FMNL1: variants seen among roughly 807,000 people sequenced by gnomAD.
FMNL1 encodes formin-like protein 1.
In FMNL1, 43 loss-of-function variants were observed where a neutral mutation model predicts 121.3. The observed-to-expected ratio is 0.35, with a 90% CI of 0.28 to 0.46. The LOEUF (loss-of-function observed/expected upper bound fraction) is 0.46, where lower values mean the gene tolerates loss of function less well. FMNL1 is among the 20% of genes least tolerant of loss of function. FMNL1 has a pLI of 1.00. For missense variants in FMNL1, 1,191 were observed against 1,482.4 expected (o/e 0.80, Z 3.23); for synonymous variants, 613 against 613.5 (o/e 1.00, Z 0.01).
intron 19 of FMNL1, among the ~76,000 whole-genome samples, chr17:45,244,563 T>A (rs573677235): frequency 1.4e-4 from 21 of 152,262 alleles, no homozygotes; most frequent in African/African-American, 4.8e-4. Flanking sequence ...TAGGAGGGGA[T>A]GCTGGCAACA....
Position 45,234,054 on chromosome 17 carries a change from A to G in FMNL1, c.486-18A>G, listed in dbSNP as rs927565227. 1.2e-6 allele frequency: 2 copies of G among 1,612,978 alleles called. No individual in the cohort carries two copies. Among genetic ancestry groups the G allele is most frequent in the African/African-American group, 2.7e-5 (2 of 74,838 alleles). On this transcript the variant is annotated intron_variant, in intron 5 of 26. Transcript: ENST00000331495. ...CCCTGCAGTGTTGGCCTCCAGCCCC[A>G]TTGCATCCTGTCCCCAGGTATGACA...
Position 45,237,462 on chromosome 17 carries a change from A to T in FMNL1, c.801-84A>T. On this transcript the variant is annotated intron_variant, in intron 8 of 26. Transcript: ENST00000331495. The surrounding 1 kb of genome is among the most constrained non-coding windows in gnomAD (Gnocchi z 4.4). ...CTCAGAGGCTCATTCTGCACCCACT[A>T]TGCTCCTCCTAGCCAGGCCTGTGCC... The T allele has an allele frequency of 6.2e-7, 1 of 1,606,584 alleles. No homozygotes were observed. The highest frequency in any genetic ancestry group is 8.5e-7 in the Non-Finnish European group (1 of 1,173,552).
intron 1 of FMNL1, among the ~76,000 whole-genome samples, chr17:45,223,675 GAC>G (rs1309548772): frequency 7.2e-5 from 11 of 152,176 alleles, no homozygotes; most frequent in African/African-American, 1.9e-4. Context: ...AGAATGAGGA[GAC>G]ACAGTCTCTG....
intron 1 of FMNL1, among the ~76,000 whole-genome samples, chr17:45,227,010 G>A (rs887955856): frequency 2.2e-4 from 34 of 152,126 alleles, no homozygotes; most frequent in African/African-American, 5.6e-4. Context: ...GATATGTGCC[G>A]AGAACACTAC....
Position 45,233,220 on chromosome 17 carries a change from C to A in FMNL1, c.328-4C>A. On this transcript the variant is annotated splice_region_variant and splice_polypyrimidine_tract_variant and intron_variant, in intron 3 of 26. Transcript: ENST00000331495. The surrounding 1 kb of genome is among the most constrained non-coding windows in gnomAD (Gnocchi z 4.1). Reference sequence around the variant, plus strand: ...CACCAGCCTTCCCTGTTCTCGGTCCCCAGTTTAAGAGGCGAGTTCAGGAGT... The same window carrying A: ...CACCAGCCTTCCCTGTTCTCGGTCCACAGTTTAAGAGGCGAGTTCAGGAGT... The A allele has an allele frequency of 3.9e-6, 6 of 1,554,988 alleles. No individual in the cohort carries two copies. Among genetic ancestry groups the A allele is most frequent in the Non-Finnish European group, 5.2e-6 (6 of 1,149,034 alleles).
In FMNL1 at chr17:45,233,911, C is replaced by A; in HGVS notation, c.486-161C>A. On this transcript the variant is annotated intron_variant, in intron 5 of 26. Transcript: ENST00000331495. The surrounding 1 kb of genome is among the most constrained non-coding windows in gnomAD (Gnocchi z 4.1). ...GCCTGCCCCCGACAGGGAGGGGTGGCCTCTCTTCCACCACTATGTTCAGCA... is the reference window on the plus strand; with the variant it reads ...GCCTGCCCCCGACAGGGAGGGGTGGACTCTCTTCCACCACTATGTTCAGCA... 1 of 1,310,260 alleles carries A rather than the reference C, an allele frequency of 7.6e-7. No individual in the cohort carries two copies. Among genetic ancestry groups the A allele is most frequent in the South Asian group, 1.5e-5 (1 of 68,398 alleles). 81.2% of individuals were successfully genotyped at this position (1,310,260 alleles called of 1,614,324 possible).
At chr17:45,230,305 C>T (rs934396470) in intron 1 of FMNL1, among the ~76,000 whole-genome samples, 1 of 152,172 alleles carries the variant, frequency 6.6e-6, no homozygotes, top group African/African-American at 2.4e-5. Context: ...GGCTGACAAC[C>T]CACGCTCCTG....
chr17:45,232,679 C>A (rs142275370), intron 3 of FMNL1, among the ~76,000 whole-genome samples, 199 bp downstream of exon 3: 1 of 151,926 alleles, frequency 6.6e-6, no homozygotes, highest in Admixed American at 6.6e-5. Context: ...CTCTGTACAT[C>A]CTGTGTGTGC....
chr17:45,234,406 T>C, intron 6 of FMNL1: 1 of 770,790 alleles, frequency 1.3e-6, no homozygotes. Flanking sequence ...GGCTCATGCC[T>C]GTAATCCCAG....
At position 45,236,255 on chromosome 17, in the gene FMNL1, G is replaced by A; in HGVS notation, c.723+11G>A. On this transcript the variant is annotated intron_variant, in intron 7 of 26. Transcript: ENST00000331495. ...ATCATGAACTACCAGGTCAGCCGAG[G>A]GGCATGGGACTGGCGACTAGGGAGC... The A allele has an allele frequency of 1.2e-6, 2 of 1,611,928 alleles. No homozygotes were observed. The highest frequency in any genetic ancestry group is 1.7e-6 in the Non-Finnish European group (2 of 1,178,632).
intron 10 of FMNL1, 150 bp downstream of exon 10, chr17:45,238,788 G>T: frequency 8.7e-7 from 1 of 1,145,592 alleles, no homozygotes; most frequent in Non-Finnish European, 1.3e-6. Context: ...TGTTGGCAGG[G>T]GGCTGGATTG....
chr17:45,239,848 T>C lies in FMNL1; in HGVS notation c.1081-628T>C, dbSNP rs184611350. On this transcript the variant is annotated intron_variant, in intron 11 of 26. Coordinates refer to ENST00000331495, the MANE Select transcript of FMNL1 (RefSeq NM_005892.4). Reference sequence around the variant, plus strand: ...TCTTGCTCTGTTGCCCAGGCTAGAGTGCAGTGACACGATCTTGGCTCACTG... The same window carrying C: ...TCTTGCTCTGTTGCCCAGGCTAGAGCGCAGTGACACGATCTTGGCTCACTG... Among the ~76,000 whole-genome samples the C allele has an allele frequency of 3.6e-3, 526 of 147,316 alleles. 4 individuals are homozygous for C. Among genetic ancestry groups the C allele is most frequent in the African/African-American group, 0.013 (502 of 38,788 alleles).
In FMNL1 at chr17:45,247,034, A is replaced by G; in HGVS notation, c.*176A>G. ...CCGTGGACAGGCTGAGGCTCAAGGA[A>G]GGTGGTCCTCAGCTCGGCTGGCCGG... On this transcript the variant is annotated 3_prime_UTR_variant, in exon 27 of 27. Coordinates refer to ENST00000331495, the MANE Select transcript of FMNL1 (RefSeq NM_005892.4). 1 of 657,468 alleles carries G rather than the reference A, an allele frequency of 1.5e-6. No individual in the cohort carries two copies. The highest frequency in any genetic ancestry group is 2.8e-6 in the Non-Finnish European group (1 of 355,422). 40.7% of individuals were successfully genotyped at this position (657,468 alleles called of 1,614,324 possible).
At chr17:45,229,608 T>TA in intron 1 of FMNL1, among the ~76,000 whole-genome samples, 1 of 152,318 alleles carries the variant, frequency 6.6e-6, no homozygotes. Context: ...ACCTGGGGTT[T>TA]ACTAAATTGA....
At chr17:45,239,447 G>A (rs2043631096) in intron 11 of FMNL1, among the ~76,000 whole-genome samples, 4 of 152,198 alleles carry the variant, frequency 2.6e-5, no homozygotes, top group African/African-American at 9.7e-5. Flanking sequence ...ATACAGGGTA[G>A]AAGCAGGAGT....
At chr17:45,238,438 G>A (rs2043598950) in intron 9 of FMNL1, 126 bp from the exon 10 acceptor site, 5 of 918,330 alleles carry the variant, frequency 5.4e-6, no homozygotes, top group Non-Finnish European at 6.8e-6. Flanking sequence ...GTTTTGAGCA[G>A]AAGAGTGACG....
chr17:45,245,816 G>A (rs1004119469), intron 23 of FMNL1, 62 bp from the exon 24 acceptor site: 123 of 1,327,954 alleles, frequency 9.3e-5, no homozygotes, highest in Non-Finnish European at 1.2e-4. Flanking sequence ...GGCTGCTTCT[G>A]TTTAGGGGGT....
chr17:45,238,242 G>A (rs1478253301), intron 9 of FMNL1: 2 of 292,098 alleles, frequency 6.8e-6, no homozygotes, highest in Admixed American at 9.7e-5. Context: ...GGTCAGGGAA[G>A]GCCTCACTGA....
chr17:45,246,939 C>A lies in FMNL1; in HGVS notation c.*81C>A. The A allele has an allele frequency of 1.3e-6, 1 of 756,720 alleles. No homozygotes were observed. The highest frequency in any genetic ancestry group is 2.4e-6 in the Non-Finnish European group (1 of 414,636). The allele number at this position is 756,720 out of a possible 1,614,324, so 46.9% of individuals were successfully genotyped here. The stretch of plus-strand genomic sequence containing the variant: ...GCCCGTCGGCGTCCCCCGGGCCCCC[C>A]ACTGCAGGTCACCTCCGACCTCTCG... On this transcript the variant is annotated 3_prime_UTR_variant, in exon 27 of 27. Transcript: ENST00000331495.
Sources: gnomAD v4.1 joint callset for allele counts (sites outside exome capture counted in the v4.1 genomes callset) on GRCh38, gnomAD v4.1.1 for gene constraint, Gnocchi (gnomAD v3.1) non-coding constraint, MANE v1.5 for transcripts, NCBI Gene and HGNC (gene_info 2026-07-23, HGNC 2026-07-21) for gene names.